The following RP1 variants were observed in gnomAD, a reference collection of about 807,000 sequenced individuals.
RP1 encodes the protein oxygen-regulated protein 1.
A neutral mutation model predicts 14.8 loss-of-function variants in RP1; 16 were observed. The ratio of observed to expected loss-of-function variants is 1.08; its 90% CI spans 0.73 to 1.65. The LOEUF (loss-of-function observed/expected upper bound fraction) is 1.65. Among genes scored for constraint, RP1 ranks in the 40% most tolerant of loss-of-function variants. The pLI is 0.00. For synonymous variants in RP1, 876 were observed against 883.6 expected, an observed-to-expected ratio of 0.99 and a Z score of 0.15; for missense variants, 2,631 against 2,535.0, an observed-to-expected ratio of 1.04 and a Z score of -0.81.
chr8:54,843,821 C>A (rs191244112), intron 25 of RP1, among the ~76,000 whole-genome samples: 1 of 152,132 alleles, frequency 6.6e-6, no homozygotes. Flanking sequence ...GGGAAGCAGG[C>A]CCGCTGTTGG....
At chr8:54,746,904 C>A (rs1269974071) in intron 19 of RP1, among the ~76,000 whole-genome samples, 4 of 152,138 alleles carry the variant, frequency 2.6e-5, no homozygotes, top group Non-Finnish European at 5.9e-5. Context: ...ATCCAACCTG[C>A]TTCTCCTTTA....
chr8:54,581,390 T>G (rs1804788869), intron 1 of RP1, among the ~76,000 whole-genome samples: 1 of 152,246 alleles, frequency 6.6e-6, no homozygotes. Context: ...CACATTTTCT[T>G]AATCCAGTCT....
intron 19 of RP1, chr8:54,754,652 C>A: frequency 1.4e-6 from 1 of 740,474 alleles, no homozygotes; most frequent in Non-Finnish European, 1.9e-6. Flanking sequence ...TTTGCACCAA[C>A]CTACGACTAC....
At chr8:54,816,798 A>G (rs568127675) in intron 24 of RP1, among the ~76,000 whole-genome samples, 1 of 152,234 alleles carries the variant, frequency 6.6e-6, no homozygotes, top group African/African-American at 2.4e-5. Flanking sequence ...GGAACCACCT[A>G]TCTTTTCATC....
rs180943770 is a variant in RP1, at chr8:54,575,885, A to G, written c.-13+16565A>G. Among the ~76,000 whole-genome samples, 258 of 152,318 alleles carry G rather than the reference A, an allele frequency of 1.7e-3. 1 individual carries two copies. Among genetic ancestry groups the G allele is most frequent in the African/African-American group, 5.8e-3 (241 of 41,578 alleles). Reference sequence around the variant, plus strand: ...GTCTATTTCTGTAGCACCGTTATCAATAGGTGAGAGTGTTGTTCTTTCTCA... The same window carrying G: ...GTCTATTTCTGTAGCACCGTTATCAGTAGGTGAGAGTGTTGTTCTTTCTCA... On this transcript the variant is annotated intron_variant, in intron 1 of 22. Coordinates refer to the RP1 transcript ENST00000636932.
At chr8:54,601,598 G>GAAAAAAAAA (rs1296926931) in intron 1 of RP1, among the ~76,000 whole-genome samples, 4 of 93,676 alleles carry the variant, frequency 4.3e-5, no homozygotes, top group Non-Finnish European at 7.2e-5. Flanking sequence ...AAAAAACTTA[G>GAAAAAAAAA]AAAAAAAAAA....
rs1053575233 is a variant in RP1 at position 54,642,997 on chromosome 8, C to CT, written c.788-5979dup. The stretch of plus-strand genomic sequence containing the variant: ...TCTATTTCTTGATCACTTGTGTTCT[C>CT]TTTTTTTTTAATAAATTGCCTATTC... On this transcript the variant is annotated intron_variant, in intron 3 of 22. Coordinates refer to the RP1 transcript ENST00000636932. 2.5e-3 allele frequency among the ~76,000 whole-genome samples: 372 copies of CT among 150,486 alleles called. 1 individual carries two copies. The highest frequency in any genetic ancestry group is 8.1e-3 in the African/African-American group (334 of 41,018).
At chr8:54,584,902 G>GA in intron 1 of RP1, among the ~76,000 whole-genome samples, 1 of 152,256 alleles carries the variant, frequency 6.6e-6, no homozygotes, top group African/African-American at 2.4e-5. Context: ...GTCTCTGCAC[G>GA]TGAGATGGGT....
intron 28 of RP1, among the ~76,000 whole-genome samples, chr8:54,866,665 T>C (rs577004161): frequency 2.0e-4 from 31 of 152,304 alleles, no homozygotes; most frequent in African/African-American, 6.7e-4. Context: ...CAAGTAGTAA[T>C]TGACCACCCA....
intron 1 of RP1, among the ~76,000 whole-genome samples, chr8:54,565,980 C>T (rs1019095875): frequency 1.2e-4 from 18 of 152,114 alleles, no homozygotes; most frequent in Non-Finnish European, 4.4e-5. Context: ...GGGGGAGCAT[C>T]ACTCCTGTCT....
intron 5 of RP1, among the ~76,000 whole-genome samples, chr8:54,654,696 G>A (rs748331519): frequency 5.9e-5 from 9 of 152,146 alleles, no homozygotes; most frequent in Non-Finnish European, 1.2e-4. Flanking sequence ...TGCCTAGGCT[G>A]GAGACCAGTA....
chr8:54,643,982 C>T (rs1806498496), intron 3 of RP1, among the ~76,000 whole-genome samples: 1 of 152,162 alleles, frequency 6.6e-6, no homozygotes, highest in Non-Finnish European at 1.5e-5. Context: ...ACTTCAAATT[C>T]AAAATCTCAT....
chr8:54,609,954 CT>C (rs1386239314), intron 1 of RP1, among the ~76,000 whole-genome samples: 1 of 152,206 alleles, frequency 6.6e-6, no homozygotes, highest in Non-Finnish European at 1.5e-5. Context: ...CATATTACAC[CT>C]CAAACTGTGT....
At chr8:54,612,144 C>G (rs1376657636), upstream of RP1, among the ~76,000 whole-genome samples, 1 of 152,136 alleles carries the variant, frequency 6.6e-6, no homozygotes, top group South Asian at 2.1e-4. Flanking sequence ...AGAAGAAAAA[C>G]GTCCCAGGTA....
chr8:54,726,703 G>A (rs1808663882), intron 17 of RP1, among the ~76,000 whole-genome samples: 1 of 151,726 alleles, frequency 6.6e-6, no homozygotes, highest in South Asian at 2.1e-4. Context: ...TGTTCACCCA[G>A]AACAATGAGT....
At chr8:54,831,119 G>A (rs1811512621) in intron 24 of RP1, among the ~76,000 whole-genome samples, 2 of 151,890 alleles carry the variant, frequency 1.3e-5, no homozygotes, top group Admixed American at 6.6e-5. Context: ...TTGGACATTT[G>A]GTTTGTATTC....
At chr8:54,843,992 A>C (rs1811854015) in intron 25 of RP1, among the ~76,000 whole-genome samples, 1 of 152,202 alleles carries the variant, frequency 6.6e-6, no homozygotes, top group African/African-American at 2.4e-5. Context: ...ATGTTGACTA[A>C]CAATATTGTG....
chr8:54,586,570 G>A (rs934791918), intron 1 of RP1, among the ~76,000 whole-genome samples: 7 of 152,210 alleles, frequency 4.6e-5, no homozygotes, highest in East Asian at 1.9e-4. Flanking sequence ...CCTGCCTTTT[G>A]TTTGGCTATG....
intron 5 of RP1, among the ~76,000 whole-genome samples, chr8:54,654,858 G>C (rs1051739269): frequency 6.6e-6 from 1 of 152,122 alleles, no homozygotes; most frequent in African/African-American, 2.4e-5. Flanking sequence ...TGTTGCCCTG[G>C]TTGGTCTCAA....
Sources: allele counts gnomAD v4.1 joint callset (sites outside exome capture counted in the v4.1 genomes callset), GRCh38; gene constraint gnomAD v4.1.1; transcripts MANE v1.5; gene names NCBI Gene and HGNC (gene_info 2026-07-23, HGNC 2026-07-21).